Variants in FAAP100 observed in about 807,000 individuals in gnomAD.
FAAP100 encodes the protein FA core complex associated protein 100.
FAAP100 carries 46 observed loss-of-function variants against 65.8 expected under a neutral mutation model. That is an observed-to-expected ratio of 0.70 (90% confidence interval 0.55 to 0.89). The LOEUF is 0.89. FAAP100 is among the 40% of genes least tolerant of loss of function. The pLI, the probability that FAAP100 is intolerant of heterozygous loss-of-function variation, is 0.00. For synonymous variants in FAAP100, 663 were observed against 555.1 expected (o/e 1.19, Z -2.73); for missense variants, 1,165 against 1,196.7 (o/e 0.97, Z 0.39).
chr17:81,548,818 T>A (rs2033396781), intron 4 of FAAP100, among the ~76,000 whole-genome samples: 1 of 151,036 alleles, frequency 6.6e-6, no homozygotes, highest in African/African-American at 2.4e-5. Flanking sequence ...GGCAGACGGA[T>A]CACGAGGTCA....
Position 81,545,796 on chromosome 17 carries a change from T to C in FAAP100, c.2260A>G (p.Ile754Val), listed in dbSNP as rs745418143. ...DVVRARALSS[I>V]QGVAPDGANV... ...GCGCCATCAGGGGCCACTCCCTGGA[T>C]GGAAGATAGTGCTCGGGCCCTCACG... The change falls in exon 6 of 9, where the codon ATC (isoleucine) becomes GTC (valine). Residue 754 changes from isoleucine to valine, a missense_variant. By Grantham distance (29) the Ile-to-Val change is conservative. Coordinates refer to ENST00000327787, the MANE Select transcript of FAAP100 (RefSeq NM_025161.6). The C allele has an allele frequency of 6.8e-6, 11 of 1,612,356 alleles. No homozygotes were observed. Among genetic ancestry groups the C allele is most frequent in the South Asian group, 4.4e-5 (4 of 91,054 alleles).
Position 81,552,268 on chromosome 17 carries a change from C to T in FAAP100, c.63G>A (p.Leu21=). ...LAGFCCPLGG[L]AAGKPRVLCH... is the part of the protein sequence containing the mutation. ...ACAGCACGCGGGGCTTGCCCGCCGC[C>T]AGGCCCCCGAGAGGGCAGCAGAAGC... The change falls in exon 1 of 9, where the codon CTG becomes CTA. Residue 21 remains leucine (L), a synonymous_variant. Transcript: ENST00000327787. 1 of 1,478,690 alleles carries T rather than the reference C, an allele frequency of 6.8e-7. No individual in the cohort carries two copies. Among genetic ancestry groups the T allele is most frequent in the South Asian group, 1.3e-5 (1 of 78,182 alleles). The allele number at this position is 1,478,690 out of a possible 1,614,324, so 91.6% of individuals were successfully genotyped here. A position where few individuals can be genotyped will look rare whatever the true frequency, so the allele number is the denominator to read the frequency against.
Position 81,545,754 on chromosome 17 carries a change from C to T in FAAP100, c.2302G>A (p.Val768Ile), listed in dbSNP as rs767477547. The part of the protein sequence containing the change: ...APDGANVHLI[V>I]REVAMTDLCP... ...CCTGAACCCCTGCTTGCCTCTCGGA[C>T]GATGAGGTGAACGTTGGCGCCATCA... Residue 768 changes from valine to isoleucine, a missense_variant, in exon 6 of 9, where the codon GTC becomes ATC. Transcript: ENST00000327787. The T allele has an allele frequency of 1.4e-5, 23 of 1,611,148 alleles. No individual in the cohort carries two copies. Among genetic ancestry groups the T allele is most frequent in the African/African-American group, 4.0e-5 (3 of 74,888 alleles).
upstream of FAAP100, among the ~76,000 whole-genome samples, chr17:81,552,681 G>A (rs1363523481): frequency 6.6e-6 from 1 of 152,196 alleles, no homozygotes; most frequent in Non-Finnish European, 1.5e-5. Flanking sequence ...CTTGGGCGGG[G>A]CGTCTCCCCG....
Position 81,552,068 on chromosome 17 carries a change from C to A in FAAP100, c.166-16G>T. The stretch of plus-strand genomic sequence containing the variant: ...GGAACGCCGCCTGCGGACCGGGGCG[C>A]GGGTCAGGCCGACGCGACGCGCGGG... On this transcript the variant is annotated splice_polypyrimidine_tract_variant and intron_variant, in intron 1 of 8. Transcript: ENST00000327787. The A allele has an allele frequency of 6.8e-7, 1 of 1,472,910 alleles. No homozygotes were observed. The highest frequency in any genetic ancestry group is 8.9e-7 in the Non-Finnish European group (1 of 1,123,962). 91.2% of individuals were successfully genotyped at this position (1,472,910 alleles called of 1,614,324 possible).
Position 81,550,465 on chromosome 17 carries a change from G to A in FAAP100, c.1029C>T (p.Leu343=). 2 of 1,612,572 alleles carry A rather than the reference G, an allele frequency of 1.2e-6. No individual in the cohort carries two copies. Among genetic ancestry groups the A allele is most frequent in the Non-Finnish European group, 1.7e-6 (2 of 1,179,820 alleles). ...AGGCAGCGCAGAGCACAGGGCCTGGGAGGCAGTACTCCCGCAGCTCGGGCA... is the reference window on the plus strand; with the variant it reads ...AGGCAGCGCAGAGCACAGGGCCTGGAAGGCAGTACTCCCGCAGCTCGGGCA... ...KLVPELREYC[L]PGPVLCAACG... is the part of the protein sequence containing the mutation. The change falls in exon 3 of 9, where the codon CTC becomes CTT. Residue 343 remains leucine (L), a synonymous_variant. Transcript: ENST00000327787.
chr17:81,551,118 G>T lies in FAAP100; in HGVS notation c.376C>A (p.Pro126Thr). The T allele has an allele frequency of 2.6e-6, 4 of 1,553,398 alleles. No homozygotes were observed. The highest frequency in any genetic ancestry group is 3.5e-6 in the Non-Finnish European group (4 of 1,148,490). ...IPVDPDACIL[P>T]DAALCAFTLL... Reference sequence around the variant, plus strand: ...GTGAACGCGCACAGCGCAGCATCGGGAAGGATGCAGGCATCGGGGTCCACA... The same window carrying T: ...GTGAACGCGCACAGCGCAGCATCGGTAAGGATGCAGGCATCGGGGTCCACA... The change falls in exon 3 of 9, where the codon CCC becomes ACC. Residue 126 changes from proline (P) to threonine (T), a missense_variant. Transcript: ENST00000327787.
Position 81,540,234 on chromosome 17 carries a change from T to TC in FAAP100, c.*584dup, listed in dbSNP as rs200954420. 1,170 of 398,944 alleles carry TC rather than the reference T, an allele frequency of 2.9e-3. 9 individuals are homozygous for TC. Among genetic ancestry groups the TC allele is most frequent in the African/African-American group, 0.018 (868 of 48,748 alleles). 24.7% of individuals were successfully genotyped at this position (398,944 alleles called of 1,614,324 possible). On this transcript the variant is annotated 3_prime_UTR_variant, in exon 9 of 9. Coordinates refer to ENST00000327787, the MANE Select transcript of FAAP100 (RefSeq NM_025161.6). ...CGAGACCACGGGCACTTGCAGGAGC[T>TC]CCCTGCATGCTGTTTTGTGCTTTGG...
At chr17:81,548,759 G>C (rs866380690) in intron 4 of FAAP100, among the ~76,000 whole-genome samples, 199 of 151,416 alleles carry the variant, frequency 1.3e-3, no homozygotes, top group African/African-American at 4.5e-3. Context: ...GCCAAGTAGG[G>C]TCGGGCCCGG....
Position 81,540,063 on chromosome 17 carries a change from G to A in FAAP100, c.*756C>T. 1 of 365,838 alleles carries A rather than the reference G, an allele frequency of 2.7e-6. No individual in the cohort carries two copies. Among genetic ancestry groups the A allele is most frequent in the Non-Finnish European group, 4.8e-6 (1 of 210,202 alleles). The allele number at this position is 365,838 out of a possible 1,614,324, so 22.7% of individuals were successfully genotyped here. A position where few individuals can be genotyped will look rare whatever the true frequency, so the allele number is the denominator to read the frequency against. ...GGCTGAGGGAGGAGGCTGGGGGCTG[G>A]GGCTCAGGGCCCCCCCCCGGGCCAC... On this transcript the variant is annotated 3_prime_UTR_variant, in exon 9 of 9. Coordinates refer to ENST00000327787, the MANE Select transcript of FAAP100 (RefSeq NM_025161.6).
At position 81,540,658 on chromosome 17, in the gene FAAP100, C is replaced by T. The variant is rs575045827; in HGVS notation, c.*161G>A. 1.6e-5 allele frequency: 16 copies of T among 999,260 alleles called. No individual in the cohort carries two copies. In the South Asian group the frequency reaches 2.3e-4, roughly 14 times the overall value. The allele number at this position is 999,260 out of a possible 1,614,324, so 61.9% of individuals were successfully genotyped here. On this transcript the variant is annotated 3_prime_UTR_variant, in exon 9 of 9. Transcript: ENST00000327787. ...CAGAATCTGCTTTGTGCTCCACGGC[C>T]TCCAAGCACTTTCATGAGCGTTCTG...
At chr17:81,546,035 G>A (rs2033287348) in intron 5 of FAAP100, among the ~76,000 whole-genome samples, 153 bp from the exon 6 acceptor site, 1 of 152,204 alleles carries the variant, frequency 6.6e-6, no homozygotes, top group Non-Finnish European at 1.5e-5. Context: ...CTAAGCTGCG[G>A]CGTGGCCAGC....
chr17:81,551,909 G>T lies in FAAP100; in HGVS notation c.290+19C>A. On this transcript the variant is annotated intron_variant, in intron 2 of 8. Transcript: ENST00000327787. ...GGCAGCAGGAGTGTGCGGGAGGGAG[G>T]CCGCGGGCCCGCCCTCACCTGCTCC... 2 of 1,534,178 alleles carry T rather than the reference G, an allele frequency of 1.3e-6. No individual in the cohort carries two copies. Among genetic ancestry groups the T allele is most frequent in the South Asian group, 1.2e-5 (1 of 83,230 alleles).
intron 2 of FAAP100, 104 bp from the exon 3 acceptor site, chr17:81,551,307 G>T: frequency 8.3e-7 from 1 of 1,204,310 alleles, no homozygotes; most frequent in Non-Finnish European, 1.1e-6. Flanking sequence ...GGTTCCCGCA[G>T]TGACCCCCAA....
chr17:81,547,712 GGGACACCCACAGCAC>G, intron 4 of FAAP100, 34 bp from the exon 5 acceptor site: 1 of 1,601,316 alleles, frequency 6.2e-7, no homozygotes, highest in Non-Finnish European at 8.5e-7. Context: ...CGGGAGCGGG[GGGACACCCACAGCAC>G]CAGGTGCCAC....
chr17:81,552,305 C>T lies in FAAP100; in HGVS notation c.26G>A (p.Arg9His), dbSNP rs1287683038. 5.2e-5 allele frequency: 74 copies of T among 1,422,900 alleles called. No individual in the cohort carries two copies. The highest frequency in any genetic ancestry group is 1.1e-4 in the African/African-American group (7 of 65,886). The allele number at this position is 1,422,900 out of a possible 1,614,324, so 88.1% of individuals were successfully genotyped here. The stretch of plus-strand genomic sequence containing the variant: ...AGGGCAGCAGAAGCCCGCCAGGTAG[C>T]GGACCCGCGGCGCGGCGCCGGCCAT... Reference protein sequence around the residue: MAGAAPRVRYLAGFCCPLG... With the variant: MAGAAPRVHYLAGFCCPLG... Residue 9 changes from arginine (R) to histidine (H), a missense_variant, in exon 1 of 9, where the codon CGC becomes CAC. Transcript: ENST00000327787.
chr17:81,540,296 T>G lies in FAAP100; in HGVS notation c.*523A>C, dbSNP rs1052693525. 1 of 398,780 alleles carries G rather than the reference T, an allele frequency of 2.5e-6. No homozygotes were observed. The highest frequency in any genetic ancestry group is 4.4e-6 in the Non-Finnish European group (1 of 226,090). The allele number at this position is 398,780 out of a possible 1,614,324, so 24.7% of individuals were successfully genotyped here. On this transcript the variant is annotated 3_prime_UTR_variant, in exon 9 of 9. Coordinates refer to ENST00000327787, the MANE Select transcript of FAAP100 (RefSeq NM_025161.6). ...ACCCTCCTACCTCGGGGTCCCAGAG[T>G]GGGCAGCCGGGCAGGTGTGAACAGT...
rs568072710 is a variant in FAAP100 at position 81,545,384 on chromosome 17, G to A, written c.2310+362C>T. On this transcript the variant is annotated intron_variant, in intron 6 of 8. Coordinates refer to ENST00000327787, the MANE Select transcript of FAAP100 (RefSeq NM_025161.6). ...CCATTTGCCATTCAGCGGCTTCCACGACAGGTCTGGAGCCTTCTGGCAGTG... is the reference window on the plus strand; with the variant it reads ...CCATTTGCCATTCAGCGGCTTCCACAACAGGTCTGGAGCCTTCTGGCAGTG... Among the ~76,000 whole-genome samples the A allele has an allele frequency of 6.6e-5, 10 of 152,366 alleles. No individual in the cohort carries two copies. The East Asian group carries it at 7.7e-4, about 12-fold the overall frequency.
At position 81,550,678 on chromosome 17, in the gene FAAP100, G is replaced by C; in HGVS notation, c.816C>G (p.Val272=). 6.2e-7 allele frequency: 1 copy of C among 1,613,066 alleles called. No homozygotes were observed. Among genetic ancestry groups the C allele is most frequent in the Non-Finnish European group, 8.5e-7 (1 of 1,180,020 alleles). The change falls in exon 3 of 9, where the codon GTC becomes GTG. Residue 272 remains valine (V), a synonymous_variant. Transcript: ENST00000327787. ...GCTCCTCCAGGTGATGGAGGATCTT[G>C]ACAAGGGCATTTGGGTCACCAGGGG... ...RSAPGDPNAL[V]KILHHLEEPV...
Sources: gnomAD v4.1 joint callset for allele counts (sites outside exome capture counted in the v4.1 genomes callset) on GRCh38, gnomAD v4.1.1 for gene constraint, MANE v1.5 for transcripts, NCBI Gene and HGNC (gene_info 2026-07-23, HGNC 2026-07-21) for gene names.